Variants in TTC6 observed in about 807,000 individuals in gnomAD.
The protein encoded by TTC6 is tetratricopeptide repeat domain 6.
TTC6 carries 172 observed loss-of-function variants against 210.4 expected under a neutral mutation model. That is an observed-to-expected ratio of 0.82 (90% CI 0.72 to 0.93). The LOEUF is 0.93. TTC6 is among the 40% of genes least tolerant of loss of function. The probability of loss-of-function intolerance (pLI) is 0.00; values close to 1 mark genes in which losing one functional copy is unlikely to be tolerated. For synonymous variants in TTC6, 804 were observed against 819.6 expected (o/e 0.98, Z 0.32); for missense variants, 2,414 against 2,318.1 (o/e 1.04, Z -0.85).
chr14:37,670,474 C>CCTTTT (rs532690678), intron 1 of TTC6, among the ~76,000 whole-genome samples: 26 of 121,324 alleles, frequency 2.1e-4, no homozygotes, highest in East Asian at 4.9e-4. Flanking sequence ...AACTACCTCA[C>CCTTTT]TTTTTTTTTT....
intron 21 of TTC6, among the ~76,000 whole-genome samples, chr14:37,806,064 AT>A (rs756940527): frequency 6.6e-6 from 1 of 152,160 alleles, no homozygotes; most frequent in Non-Finnish European, 1.5e-5. Flanking sequence ...GCTGGTTGTG[AT>A]TTCTTTGAAG....
intron 14 of TTC6, among the ~76,000 whole-genome samples, chr14:37,781,648 A>G (rs2096055090): frequency 6.6e-6 from 1 of 152,128 alleles, no homozygotes; most frequent in African/African-American, 2.4e-5. Context: ...CCATTTGTCA[A>G]TTTTGGCTTT....
chr14:37,782,410 A>G (rs1355080698), intron 14 of TTC6, among the ~76,000 whole-genome samples: 1 of 152,186 alleles, frequency 6.6e-6, no homozygotes, highest in Non-Finnish European at 1.5e-5. Flanking sequence ...GAGTTCACTC[A>G]TGATTTGGCT....
rs548041167 is a variant in TTC6, at chr14:37,640,311, T to C, written c.939+17308T>C. The stretch of plus-strand genomic sequence containing the variant: ...TAGACTCTAAAGGACAATGGCCAGG[T>C]GCATTTGAATTTTGGAGGTGATCAA... On this transcript the variant is annotated intron_variant, in intron 1 of 30. Transcript: ENST00000553443. Among the ~76,000 whole-genome samples, 7 of 152,226 alleles carry C rather than the reference T, an allele frequency of 4.6e-5. No individual in the cohort carries two copies. The East Asian group carries it at 1.4e-3, about 30-fold the overall frequency.
At chr14:37,766,115 G>C (rs1436038520) in intron 14 of TTC6, among the ~76,000 whole-genome samples, 1 of 151,978 alleles carries the variant, frequency 6.6e-6, no homozygotes, top group Non-Finnish European at 1.5e-5. Flanking sequence ...TCAAATTTGG[G>C]AAGTTTTCAA....
upstream of TTC6, among the ~76,000 whole-genome samples, chr14:37,619,323 A>G (rs1164140806): frequency 6.6e-6 from 1 of 152,164 alleles, no homozygotes; most frequent in Non-Finnish European, 1.5e-5. Flanking sequence ...TAAACGCAAT[A>G]CGACTATATT....
At chr14:37,826,111 G>A in intron 27 of TTC6, 84 bp from the exon 30 acceptor site, 2 of 1,391,532 alleles carry the variant, frequency 1.4e-6, no homozygotes, top group African/African-American at 1.4e-5. Flanking sequence ...CTTACTAAAG[G>A]TTTTATTTGA....
At chr14:37,808,225 C>T (rs1200061659) in intron 23 of TTC6, among the ~76,000 whole-genome samples, 1 of 151,942 alleles carries the variant, frequency 6.6e-6, no homozygotes, top group Non-Finnish European at 1.5e-5. Context: ...AAAGGTAAGA[C>T]CTTGCATTAT....
chr14:37,701,181 AT>A, intron 4 of TTC6, 150 bp from the exon 7 acceptor site: 1 of 506,860 alleles, frequency 2.0e-6, no homozygotes, highest in Non-Finnish European at 3.2e-6. Flanking sequence ...GTGATATTAA[AT>A]TTGTTATATA....
rs562281320 is a variant in TTC6 at position 37,658,891 on chromosome 14, A to C, written c.940-21260A>C. Reference sequence around the variant, plus strand: ...CACCCAGGTACTAAGCCTAGTACTCAATAGTTATTTTTTTCTGCTCCTCTC... The same window carrying C: ...CACCCAGGTACTAAGCCTAGTACTCCATAGTTATTTTTTTCTGCTCCTCTC... On this transcript the variant is annotated intron_variant, in intron 1 of 30. Transcript: ENST00000553443. 5.2e-4 allele frequency among the ~76,000 whole-genome samples: 79 copies of C among 152,174 alleles called. 2 individuals carry two copies. The highest frequency in any genetic ancestry group is 1.6e-3 in the African/African-American group (67 of 41,534).
chr14:37,825,048 G>A (rs543056031), intron 27 of TTC6, among the ~76,000 whole-genome samples: 1 of 152,208 alleles, frequency 6.6e-6, no homozygotes, highest in East Asian at 1.9e-4. Flanking sequence ...GTAAAGAATT[G>A]AGTCAGGAAG....
intron 2 of TTC6, among the ~76,000 whole-genome samples, chr14:37,609,031 C>T (rs1175814517): frequency 6.6e-6 from 1 of 152,176 alleles, no homozygotes; most frequent in African/African-American, 2.4e-5. Flanking sequence ...CATATGAAGG[C>T]ATTATAATAT....
At chr14:37,776,043 CTTTTTTT>C (rs1163694975) in intron 14 of TTC6, among the ~76,000 whole-genome samples, 295 of 26,304 alleles carry the variant, frequency 0.011, 39 homozygotes, top group African/African-American at 0.03. Context: ...GGTCTTGATT[CTTTTTTT>C]TTTTTTTTTT....
chr14:37,624,330 C>T (rs1423838594), intron 1 of TTC6, among the ~76,000 whole-genome samples: 1 of 152,096 alleles, frequency 6.6e-6, no homozygotes, highest in African/African-American at 2.4e-5. Flanking sequence ...ATCAGGGATG[C>T]CCAATGAAGA....
intron 1 of TTC6, among the ~76,000 whole-genome samples, chr14:37,662,612 A>T (rs1416456719): frequency 1.3e-5 from 2 of 152,174 alleles, no homozygotes; most frequent in African/African-American, 4.8e-5. Flanking sequence ...GTCCAGCTTC[A>T]GTCTTCTCCA....
In TTC6 at chr14:37,751,042, A is replaced by C. The variant is rs1445458227; in HGVS notation, c.2957-11A>C. 3.8e-5 allele frequency: 57 copies of C among 1,499,944 alleles called. No individual in the cohort carries two copies. The highest frequency in any genetic ancestry group is 4.7e-5 in the Non-Finnish European group (53 of 1,127,044). 92.9% of individuals were successfully genotyped at this position (1,499,944 alleles called of 1,614,324 possible). On this transcript the variant is annotated splice_polypyrimidine_tract_variant and intron_variant, in intron 12 of 30. Coordinates refer to ENST00000553443, the Ensembl canonical transcript of TTC6. ...TATAACTCCAAATTTTATCTTTTTA[A>C]TTTTCTTTAGAGGCATATTTGTCAA...
intron 14 of TTC6, among the ~76,000 whole-genome samples, chr14:37,768,059 TCCTTTC>T (rs1365162744): frequency 2.0e-5 from 3 of 151,062 alleles, no homozygotes; most frequent in Non-Finnish European, 4.4e-5. Flanking sequence ...AAATAGGGAA[TCCTTTC>T]CCCATTGCTT....
chr14:37,728,046 A>G (rs2095877202), intron 7 of TTC6, among the ~76,000 whole-genome samples: 2 of 152,020 alleles, frequency 1.3e-5, no homozygotes, highest in South Asian at 4.1e-4. Context: ...TTCCTGGGTA[A>G]CCTCGTACTA....
chr14:37,739,602 C>T (rs1293392323), intron 10 of TTC6, among the ~76,000 whole-genome samples: 2 of 150,210 alleles, frequency 1.3e-5, no homozygotes, highest in Non-Finnish European at 1.5e-5. Flanking sequence ...AAAGACAAAC[C>T]CTCATTTAAA....
Sources: allele counts gnomAD v4.1 joint callset (sites outside exome capture counted in the v4.1 genomes callset), GRCh38; gene constraint gnomAD v4.1.1; transcripts MANE v1.5; gene names NCBI Gene and HGNC (gene_info 2026-07-23, HGNC 2026-07-21).